LIPI: variants seen among roughly 807,000 people sequenced by gnomAD.
LIPI encodes lipase member I.
Under a neutral mutation model 50.6 loss-of-function variants are expected in LIPI, and 59 were observed. That is an observed-to-expected ratio of 1.16 (90% CI 0.94 to 1.45). The LOEUF is 1.45. Ranked by LOEUF, LIPI falls within the 40% of genes most tolerant of loss-of-function variation. The pLI, the probability that LIPI is intolerant of heterozygous loss-of-function variation, is 0.00. For missense variants in LIPI, 586 were observed against 536.3 expected, an observed-to-expected ratio of 1.09 and a Z score of -0.92; for synonymous variants, 203 against 178.2, an observed-to-expected ratio of 1.14 and a Z score of -1.11.
At chr21:14,157,471 T>A (rs1169278953) in intron 7 of LIPI, among the ~76,000 whole-genome samples, 1 of 151,926 alleles carries the variant, frequency 6.6e-6, no homozygotes, top group Non-Finnish European at 1.5e-5. Flanking sequence ...GTCTCTTTTT[T>A]AATAGAATGA....
rs2018342914 is a variant in LIPI at position 14,158,322 on chromosome 21, A to G, written c.1006+5097T>C. ...ACAGGAAAATTTCTAAACTGTGGAA[A>G]TTCAACAGCGTGCTTATAAATAACC... is the stretch of plus-strand genomic sequence containing the variant. On this transcript the variant is annotated intron_variant, in intron 7 of 9. Coordinates refer to ENST00000681601, the MANE Select transcript of LIPI (RefSeq NM_001302998.2). 2.0e-5 allele frequency among the ~76,000 whole-genome samples: 3 copies of G among 151,698 alleles called. No homozygotes were observed. In the South Asian group the frequency reaches 6.2e-4, roughly 31 times the overall value.
intron 4 of LIPI, among the ~76,000 whole-genome samples, chr21:14,168,823 C>T (rs1009452236): frequency 6.6e-6 from 1 of 152,086 alleles, no homozygotes; most frequent in South Asian, 2.1e-4. Flanking sequence ...AGCAAAATAA[C>T]CAGCTAACAT....
chr21:14,140,060 G>A (rs11700603), intron 9 of LIPI, among the ~76,000 whole-genome samples: 20,936 of 152,086 alleles, frequency 0.14, 1,906 homozygotes, highest in South Asian at 0.22. Context: ...GTTGAGCAGA[G>A]GTGTGACATA....
intron 9 of LIPI, among the ~76,000 whole-genome samples, chr21:14,115,538 G>A (rs2016594163): frequency 6.6e-6 from 1 of 152,060 alleles, no homozygotes; most frequent in African/African-American, 2.4e-5. Flanking sequence ...CAACATTTCT[G>A]GGGGCTCATC....
At chr21:14,172,145 T>C (rs368437181) in intron 4 of LIPI, among the ~76,000 whole-genome samples, 20,895 of 151,596 alleles carry the variant, frequency 0.14, 1,893 homozygotes, top group Non-Finnish European at 0.2. Context: ...ATCAGAGAAA[T>C]GCAAATCAAA....
intron 9 of LIPI, among the ~76,000 whole-genome samples, chr21:14,116,935 T>G (rs1407157322): frequency 6.6e-6 from 1 of 152,150 alleles, no homozygotes; most frequent in Non-Finnish European, 1.5e-5. Flanking sequence ...TATGTTCTAA[T>G]TTATCCATCT....
intron 9 of LIPI, among the ~76,000 whole-genome samples, chr21:14,127,560 G>C (rs2017114935): frequency 6.6e-6 from 1 of 152,028 alleles, no homozygotes; most frequent in African/African-American, 2.4e-5. Flanking sequence ...CTTTTGCTCT[G>C]TTGCATATCC....
intron 1 of LIPI, among the ~76,000 whole-genome samples, chr21:14,197,038 C>CACAT (rs201607737): frequency 0.018 from 2,765 of 151,868 alleles, 72 homozygotes; most frequent in African/African-American, 0.063. Flanking sequence ...CACACACACA[C>CACAT]ACACACACAC....
chr21:14,162,308 G>A (rs1455611598), intron 7 of LIPI, among the ~76,000 whole-genome samples: 2 of 150,684 alleles, frequency 1.3e-5, no homozygotes, highest in East Asian at 2.0e-4. Context: ...AATGGATACC[G>A]GGGGGATGGG....
intron 7 of LIPI, among the ~76,000 whole-genome samples, chr21:14,159,618 T>A: frequency 6.6e-6 from 1 of 151,288 alleles, no homozygotes; most frequent in East Asian, 1.9e-4. Context: ...TTATTCAAAA[T>A]AGCACTGGAA....
At chr21:14,185,882 C>CAAA (rs200600449) in intron 3 of LIPI, 79 bp downstream of exon 3, 111,912 of 698,902 alleles carry the variant, frequency 0.16, 3,229 homozygotes, top group East Asian at 0.21. Context: ...GACTCTGTCT[C>CAAA]AAAAAAAAAA....
chr21:14,203,773 C>T (rs912942484), intron 1 of LIPI, among the ~76,000 whole-genome samples: 9 of 151,882 alleles, frequency 5.9e-5, no homozygotes, highest in African/African-American at 1.9e-4. Flanking sequence ...ATGGGTGCAG[C>T]ACACCAACAT....
chr21:14,189,678 T>C (rs1050693967), intron 1 of LIPI, among the ~76,000 whole-genome samples: 1 of 152,134 alleles, frequency 6.6e-6, no homozygotes, highest in Non-Finnish European at 1.5e-5. Flanking sequence ...CAAAATATAA[T>C]AGTAATGGGT....
intron 4 of LIPI, among the ~76,000 whole-genome samples, chr21:14,174,831 C>G (rs755203133): frequency 6.6e-6 from 1 of 152,114 alleles, no homozygotes; most frequent in Non-Finnish European, 1.5e-5. Context: ...GGATTACAGG[C>G]GTGAGCCACC....
At chr21:14,110,874 C>A (rs1329489032) in intron 9 of LIPI, among the ~76,000 whole-genome samples, 1 of 149,748 alleles carries the variant, frequency 6.7e-6, no homozygotes, top group African/African-American at 2.4e-5. Context: ...TCATCTATCT[C>A]TCTCTATATA....
chr21:14,122,849 A>G (rs1018505165), intron 9 of LIPI, among the ~76,000 whole-genome samples: 3 of 152,258 alleles, frequency 2.0e-5, no homozygotes, highest in African/African-American at 7.2e-5. Context: ...TCATTATTAA[A>G]AAGACTCAAT....
At position 14,191,035 on chromosome 21, in the gene LIPI, C is replaced by T. The variant is rs8127749; in HGVS notation, c.47-1616G>A. ...CTATTAAAAGATATAAAATATTTTT[C>T]ATTAGAATGCAAGAAAAAATACATC... On this transcript the variant is annotated intron_variant, in intron 1 of 9. Transcript: ENST00000681601. 1.5e-3 allele frequency among the ~76,000 whole-genome samples: 231 copies of T among 152,040 alleles called. 1 individual carries two copies. The highest frequency in any genetic ancestry group is 5.4e-3 in the African/African-American group (223 of 41,488).
intron 1 of LIPI, among the ~76,000 whole-genome samples, chr21:14,193,097 TAAG>T (rs1174098895): frequency 6.6e-6 from 1 of 152,126 alleles, no homozygotes; most frequent in Non-Finnish European, 1.5e-5. Flanking sequence ...TCGGTAAAAT[TAAG>T]TAGGGGAGAG....
chr21:14,208,892 A>C (rs1047957214), intron 1 of LIPI, among the ~76,000 whole-genome samples: 1 of 152,140 alleles, frequency 6.6e-6, no homozygotes, highest in African/African-American at 2.4e-5. Flanking sequence ...TCTCTCCAAA[A>C]ATTACAAAAT....
Sources: allele counts gnomAD v4.1 joint callset (sites outside exome capture counted in the v4.1 genomes callset), GRCh38; gene constraint gnomAD v4.1.1; transcripts MANE v1.5; gene names NCBI Gene and HGNC (gene_info 2026-07-23, HGNC 2026-07-21).